GABRB3: variants seen among roughly 807,000 people sequenced by gnomAD.
The protein encoded by GABRB3 is gamma-aminobutyric acid receptor subunit beta-3.
A neutral mutation model predicts 52.1 loss-of-function variants in GABRB3; 14 were observed. That is an observed-to-expected ratio of 0.27 (90% CI 0.18 to 0.42). The LOEUF (loss-of-function observed/expected upper bound fraction) is 0.42. GABRB3 is among the 10% of genes least tolerant of loss of function. The pLI is 1.00. For synonymous variants in GABRB3, 260 were observed against 232.3 expected, an observed-to-expected ratio of 1.12 and a Z score of -1.08; for missense variants, 307 against 609.1, an observed-to-expected ratio of 0.50 and a Z score of 5.22.
chr15:26,614,432 C>G (rs1373666263), intron 4 of GABRB3: 1 of 152,106 alleles, frequency 6.6e-6, no homozygotes, highest in African/African-American at 2.4e-5. Context: ...AGATTACTTG[C>G]AGTAGCCTGA....
At chr15:26,623,149 A>T (rs1595491653) in intron 3 of GABRB3, among the ~76,000 whole-genome samples, 2 of 152,310 alleles carry the variant, frequency 1.3e-5, no homozygotes, top group Admixed American at 1.3e-4. Flanking sequence ...CAGCACATCG[A>T]AAAACACATG....
intron 3 of GABRB3, chr15:26,642,617 C>A: frequency 3.0e-6 from 2 of 670,640 alleles, no homozygotes; most frequent in South Asian, 1.5e-5. Context: ...CATAATCCCC[C>A]CTCCTCTCTA....
chr15:26,740,579 C>A (rs1319738946), intron 3 of GABRB3, among the ~76,000 whole-genome samples: 2 of 152,086 alleles, frequency 1.3e-5, no homozygotes, highest in Non-Finnish European at 2.9e-5. Flanking sequence ...TCTGGAGCAC[C>A]CAAGGGACCA....
Position 26,565,168 on chromosome 15 carries a change from T to TTGATGATGATGA in GABRB3, c.835+2401_835+2412dup, listed in dbSNP as rs75317901. The stretch of plus-strand genomic sequence containing the variant: ...GCCTTTATTAATCTTGTCTGTTGTA[T>TTGATGATGATGA]TGATGATGATGATGATGATGATGAT... On this transcript the variant is annotated intron_variant, in intron 7 of 8. Transcript: ENST00000311550. Among the ~76,000 whole-genome samples the TTGATGATGATGA allele has an allele frequency of 7.2e-3, 1,093 of 151,082 alleles. 16 individuals carry two copies. Among genetic ancestry groups the TTGATGATGATGA allele is most frequent in the African/African-American group, 0.025 (1,040 of 41,096 alleles).
At chr15:26,637,477 T>C (rs186817763) in intron 3 of GABRB3, among the ~76,000 whole-genome samples, 2 of 152,350 alleles carry the variant, frequency 1.3e-5, no homozygotes, top group African/African-American at 4.8e-5. Flanking sequence ...CTTTGGTTCG[T>C]AGATGTATCT....
chr15:26,645,920 GC>G (rs1893334827), intron 3 of GABRB3, among the ~76,000 whole-genome samples: 1 of 151,436 alleles, frequency 6.6e-6, no homozygotes, highest in Non-Finnish European at 1.5e-5. Flanking sequence ...GAGTCTCGTG[GC>G]ACAAGAAGAT....
intron 4 of GABRB3, among the ~76,000 whole-genome samples, chr15:26,589,893 G>A (rs1891129107): frequency 6.6e-6 from 1 of 152,124 alleles, no homozygotes; most frequent in South Asian, 2.1e-4. Context: ...AGCAAAATGT[G>A]GAAAGAGAAG....
intron 4 of GABRB3, among the ~76,000 whole-genome samples, chr15:26,587,992 CT>C (rs926440698): frequency 4.0e-5 from 6 of 151,892 alleles, no homozygotes; most frequent in Non-Finnish European, 7.4e-5. Flanking sequence ...CAGTAGGTTC[CT>C]TTTTTTTCTT....
intron 8 of GABRB3, among the ~76,000 whole-genome samples, chr15:26,555,327 T>C (rs1468854762): frequency 6.6e-6 from 1 of 152,140 alleles, no homozygotes; most frequent in African/African-American, 2.4e-5. Context: ...TGGGTCATCA[T>C]GTAGGTGGGG....
At position 26,733,030 on chromosome 15, in the gene GABRB3, A is replaced by T. The variant is rs150479870; in HGVS notation, c.240+39372T>A. Among the ~76,000 whole-genome samples, 608 of 151,544 alleles carry T rather than the reference A, an allele frequency of 4.0e-3. 4 individuals are homozygous for T. The highest frequency in any genetic ancestry group is 0.013 in the African/African-American group (543 of 41,288). On this transcript the variant is annotated intron_variant, in intron 3 of 8. Transcript: ENST00000311550. ...AAAAAAAAAAAGCCATATATGAAAA[A>T]CTCACAGTGAACATCACACTCAATG...
At chr15:26,599,625 T>C (rs537569416) in intron 4 of GABRB3, among the ~76,000 whole-genome samples, 1 of 152,272 alleles carries the variant, frequency 6.6e-6, no homozygotes, top group Admixed American at 6.5e-5. Flanking sequence ...AACCACAGAA[T>C]TGAAAAGCTC....
intron 4 of GABRB3, among the ~76,000 whole-genome samples, chr15:26,592,396 C>T (rs1891239720): frequency 6.6e-6 from 1 of 152,130 alleles, no homozygotes; most frequent in Non-Finnish European, 1.5e-5. Context: ...CCCACCAAAG[C>T]ATAAACATTC....
At chr15:26,762,265 A>G (rs927788939) in intron 3 of GABRB3, among the ~76,000 whole-genome samples, 1 of 152,218 alleles carries the variant, frequency 6.6e-6, no homozygotes, top group Non-Finnish European at 1.5e-5. Context: ...ATTAATTATA[A>G]CAAGTGCTTT....
intron 3 of GABRB3, among the ~76,000 whole-genome samples, chr15:26,763,751 GCTAA>G (rs1399819442): frequency 6.6e-6 from 1 of 152,016 alleles, no homozygotes; most frequent in Admixed American, 6.6e-5. Context: ...GTGATGTTGA[GCTAA>G]CTGACAAATA....
chr15:26,640,430 T>C (rs1269614454), intron 3 of GABRB3, among the ~76,000 whole-genome samples: 2 of 151,710 alleles, frequency 1.3e-5, no homozygotes, highest in African/African-American at 4.9e-5. Flanking sequence ...GGCAGGAGAA[T>C]GGCATGAACC....
chr15:26,752,418 C>T (rs35725812), intron 3 of GABRB3, among the ~76,000 whole-genome samples: 37,600 of 151,650 alleles, frequency 0.25, 4,914 homozygotes, highest in Non-Finnish European at 0.27. Context: ...TGCTCACCAC[C>T]ACACCCAGCT....
In GABRB3 at chr15:26,662,454, G is replaced by T. The variant is rs183169649; in HGVS notation, c.241-40920C>A. Among the ~76,000 whole-genome samples, 260 of 152,242 alleles carry T rather than the reference G, an allele frequency of 1.7e-3. 3 individuals carry two copies. The highest frequency in any genetic ancestry group is 6.0e-3 in the African/African-American group (249 of 41,522). ...TACGCTGCCCAGTTCACAGCCAGGG[G>T]CATTTCCACAGCTGTTAAACCTGCA... On this transcript the variant is annotated intron_variant, in intron 3 of 8. Coordinates refer to ENST00000311550, the MANE Select transcript of GABRB3 (RefSeq NM_000814.6).
chr15:26,744,485 G>C (rs2140164198), intron 3 of GABRB3, among the ~76,000 whole-genome samples: 1 of 152,096 alleles, frequency 6.6e-6, no homozygotes, highest in African/African-American at 2.4e-5. Flanking sequence ...AGGTGCAATG[G>C]TGCCATCTCA....
chr15:26,660,697 C>G (rs1350582997), intron 3 of GABRB3, among the ~76,000 whole-genome samples: 1 of 152,148 alleles, frequency 6.6e-6, no homozygotes, highest in African/African-American at 2.4e-5. Context: ...GGTCACGACT[C>G]TTGTGAGCCT....
Sources: gnomAD v4.1 joint callset for allele counts (sites outside exome capture counted in the v4.1 genomes callset) on GRCh38, gnomAD v4.1.1 for gene constraint, MANE v1.5 for transcripts, NCBI Gene and HGNC (gene_info 2026-07-23, HGNC 2026-07-21) for gene names.